Variants in CDK6 observed in about 807,000 individuals in gnomAD.
CDK6 encodes the protein cyclin dependent kinase 6.
In CDK6, 6 loss-of-function variants were observed where a neutral mutation model predicts 37.1. That is an observed-to-expected ratio of 0.16 (90% CI 0.09 to 0.32). The LOEUF (loss-of-function observed/expected upper bound fraction) is 0.32, where lower values mean the gene tolerates loss of function less well. CDK6 is among the 10% of genes least tolerant of loss of function. The pLI is 1.00. For missense variants in CDK6, 224 were observed against 418.9 expected, an observed-to-expected ratio of 0.53 and a Z score of 4.06; for synonymous variants, 160 against 161.3, an observed-to-expected ratio of 0.99 and a Z score of 0.06.
intron 2 of CDK6, among the ~76,000 whole-genome samples, chr7:92,779,248 T>A (rs1015287821): frequency 5.3e-5 from 8 of 152,142 alleles, no homozygotes; most frequent in African/African-American, 1.9e-4. Flanking sequence ...GCAACTGGAC[T>A]CCAGGCCTCA....
At chr7:92,765,302 C>T (rs944864369) in intron 3 of CDK6, among the ~76,000 whole-genome samples, 6 of 152,036 alleles carry the variant, frequency 3.9e-5, no homozygotes, top group African/African-American at 1.4e-4. Flanking sequence ...CGGGGAAGAA[C>T]AATTTCTGGA....
chr7:92,765,514 CA>C lies in CDK6; in HGVS notation c.369+9181del, dbSNP rs576711791. On this transcript the variant is annotated intron_variant, in intron 3 of 7. Transcript: ENST00000424848. ...AATGTGCCAAGATACAACATACCTT[CA>C]GCTTATTTTTCTGTAATATAAATAT... Among the ~76,000 whole-genome samples, 4 of 152,174 alleles carry C rather than the reference CA, an allele frequency of 2.6e-5. No individual in the cohort carries two copies. The South Asian group carries it at 8.3e-4, about 32-fold the overall frequency.
rs1027079754 is a variant in CDK6 at position 92,608,626 on chromosome 7, T to C, written c.*6514A>G. 2.2e-5 allele frequency: 5 copies of C among 232,214 alleles called. No homozygotes were observed. Among genetic ancestry groups the C allele is most frequent in the Non-Finnish European group, 3.4e-5 (4 of 117,456 alleles). 14.4% of individuals were successfully genotyped at this position (232,214 alleles called of 1,614,324 possible). A position where few individuals can be genotyped will look rare whatever the true frequency, so the allele number is the denominator to read the frequency against. On this transcript the variant is annotated 3_prime_UTR_variant, in exon 8 of 8. Coordinates refer to ENST00000424848, the MANE Select transcript of CDK6 (RefSeq NM_001145306.2). ...AGACAGCTTCACACAGGGCAGCTGC[T>C]ACCGCATCTCTTTTTACCCGAACTT...
At chr7:92,647,353 T>C (rs1796476130) in intron 5 of CDK6, among the ~76,000 whole-genome samples, 1 of 152,196 alleles carries the variant, frequency 6.6e-6, no homozygotes, top group South Asian at 2.1e-4. Flanking sequence ...CTGATTTTAC[T>C]CTGGGTCAGG....
Position 92,610,651 on chromosome 7 carries a change from T to C in CDK6, c.*4489A>G, listed in dbSNP as rs1585333352. On this transcript the variant is annotated 3_prime_UTR_variant, in exon 8 of 8. Transcript: ENST00000424848. ...AAGAAATGAAAATGCTAGTTTCTCA[T>C]GCTTTTGAGGAAAACAGCATTTCTA... 4.4e-6 allele frequency: 1 copy of C among 228,008 alleles called. No individual in the cohort carries two copies. Among genetic ancestry groups the C allele is most frequent in the East Asian group, 6.3e-5 (1 of 15,778 alleles). The allele number at this position is 228,008 out of a possible 1,614,324, so 14.1% of individuals were successfully genotyped here.
At position 92,666,723 on chromosome 7, in the gene CDK6, G is replaced by T. The variant is rs1389866169; in HGVS notation, c.647+4703C>A. On this transcript the variant is annotated intron_variant, in intron 5 of 7. Coordinates refer to ENST00000424848, the MANE Select transcript of CDK6 (RefSeq NM_001145306.2). ...AGTGCATTACTCACTTCACATGTCTGTGGTGATGCTGGTGTAAACAAACCT... is the reference window on the plus strand; with the variant it reads ...AGTGCATTACTCACTTCACATGTCTTTGGTGATGCTGGTGTAAACAAACCT... 2.0e-5 allele frequency among the ~76,000 whole-genome samples: 3 copies of T among 152,306 alleles called. No homozygotes were observed. The East Asian group carries it at 5.8e-4, about 29-fold the overall frequency.
chr7:92,792,682 T>C (rs764779392), intron 2 of CDK6, among the ~76,000 whole-genome samples: 32 of 151,976 alleles, frequency 2.1e-4, no homozygotes, highest in Admixed American at 3.9e-4. Context: ...AGGTAGATGA[T>C]AGTACTATTT....
intron 2 of CDK6, among the ~76,000 whole-genome samples, chr7:92,792,282 T>G (rs1236889983): frequency 6.6e-6 from 1 of 152,184 alleles, no homozygotes; most frequent in African/African-American, 2.4e-5. Context: ...TCTACTGTTG[T>G]TAAACAAAGT....
intron 5 of CDK6, among the ~76,000 whole-genome samples, chr7:92,626,873 T>G (rs1231782236): frequency 2.6e-5 from 4 of 152,072 alleles, no homozygotes; most frequent in Non-Finnish European, 5.9e-5. Context: ...TAGTTTTAAA[T>G]ATTTTCCTTG....
In CDK6 at chr7:92,710,917, T is replaced by G. The variant is rs1215519942; in HGVS notation, c.537+14709A>C. 4 of 946,778 alleles carry G rather than the reference T, an allele frequency of 4.2e-6. No homozygotes were observed. The African/African-American group carries it at 7.1e-5, about 17-fold the overall frequency. The allele number at this position is 946,778 out of a possible 1,614,324, so 58.6% of individuals were successfully genotyped here. A position where few individuals can be genotyped will look rare whatever the true frequency, so the allele number is the denominator to read the frequency against. ...AGGGCTGAAGTCAGAACATGCTGGATGCTTTATTAGAGGACAGGAAGAGCA... is the reference window on the plus strand; with the variant it reads ...AGGGCTGAAGTCAGAACATGCTGGAGGCTTTATTAGAGGACAGGAAGAGCA... On this transcript the variant is annotated intron_variant, in intron 4 of 7. Coordinates refer to ENST00000424848, the MANE Select transcript of CDK6 (RefSeq NM_001145306.2).
At chr7:92,649,985 A>G (rs1796536235) in intron 5 of CDK6, among the ~76,000 whole-genome samples, 1 of 152,250 alleles carries the variant, frequency 6.6e-6, no homozygotes, top group Admixed American at 6.5e-5. Flanking sequence ...TTGTACCAGA[A>G]GAAGTAAAAT....
At chr7:92,700,436 C>T (rs1339828953) in intron 4 of CDK6, among the ~76,000 whole-genome samples, 1 of 152,146 alleles carries the variant, frequency 6.6e-6, no homozygotes, top group African/African-American at 2.4e-5. Context: ...GGAAGAATAA[C>T]TTTAAACGAG....
At chr7:92,793,891 G>A (rs1361958048) in intron 2 of CDK6, among the ~76,000 whole-genome samples, 1 of 152,026 alleles carries the variant, frequency 6.6e-6, no homozygotes, top group Non-Finnish European at 1.5e-5. Flanking sequence ...GCTGCTAATG[G>A]GTATGGGGTT....
intron 6 of CDK6, 55 bp downstream of exon 6, chr7:92,622,981 A>T (rs1795839364): frequency 9.3e-7 from 1 of 1,072,862 alleles, no homozygotes. Context: ...GAGGAAAGTC[A>T]CTGTAAATGT....
chr7:92,814,147 G>T (rs1369269719), intron 2 of CDK6, among the ~76,000 whole-genome samples: 3 of 152,110 alleles, frequency 2.0e-5, no homozygotes, highest in African/African-American at 7.2e-5. Flanking sequence ...GCTTTTCTAT[G>T]TTACAATTTA....
intron 2 of CDK6, among the ~76,000 whole-genome samples, chr7:92,824,058 T>A (rs1801247703): frequency 6.6e-6 from 1 of 151,950 alleles, no homozygotes; most frequent in Non-Finnish European, 1.5e-5. Flanking sequence ...AAAAGTATTT[T>A]AGGATAAATG....
At chr7:92,638,820 T>C (rs1420824474) in intron 5 of CDK6, among the ~76,000 whole-genome samples, 1 of 152,244 alleles carries the variant, frequency 6.6e-6, no homozygotes, top group African/African-American at 2.4e-5. Flanking sequence ...TGCTGAAAAT[T>C]ACTAACTTTT....
chr7:92,806,643 A>T (rs907157468), intron 2 of CDK6, among the ~76,000 whole-genome samples: 2 of 152,178 alleles, frequency 1.3e-5, no homozygotes, highest in Non-Finnish European at 1.5e-5. Flanking sequence ...TAACCAGATG[A>T]CGGGCACAGG....
At chr7:92,773,024 C>G (rs575178173) in intron 3 of CDK6, among the ~76,000 whole-genome samples, 7 of 151,934 alleles carry the variant, frequency 4.6e-5, no homozygotes, top group African/African-American at 9.7e-5. Flanking sequence ...TTTTGATAGT[C>G]TATGTTTAAA....
Sources: gnomAD v4.1 joint callset for allele counts (sites outside exome capture counted in the v4.1 genomes callset) on GRCh38, gnomAD v4.1.1 for gene constraint, MANE v1.5 for transcripts, NCBI Gene and HGNC (gene_info 2026-07-23, HGNC 2026-07-21) for gene names.